Variants in UHRF1 observed in about 807,000 individuals in gnomAD.
The protein encoded by UHRF1 is ubiquitin like with PHD and ring finger domains 1.
In UHRF1, 9 loss-of-function variants were observed where a neutral mutation model predicts 96.5. The ratio of observed to expected loss-of-function variants is 0.09; its 90% CI spans 0.06 to 0.16. The LOEUF is 0.16. UHRF1 is among the 10% of genes least tolerant of loss of function. The probability of loss-of-function intolerance (pLI) is 1.00; values close to 1 mark genes in which losing one functional copy is unlikely to be tolerated. For missense variants in UHRF1, 626 were observed against 1,131.1 expected (o/e 0.55, Z 6.40); for synonymous variants, 455 against 469.9 (o/e 0.97, Z 0.41).
chr19:4,909,619 C>A lies in UHRF1; in HGVS notation c.-47C>A. 1 of 616,728 alleles carries A rather than the reference C, an allele frequency of 1.6e-6. No individual in the cohort carries two copies. Among genetic ancestry groups the A allele is most frequent in the Non-Finnish European group, 2.9e-6 (1 of 348,516 alleles). The allele number at this position is 616,728 out of a possible 1,614,324, so 38.2% of individuals were successfully genotyped here. On this transcript the variant is annotated 5_prime_UTR_variant, in exon 1 of 17. Coordinates refer to ENST00000650932, the MANE Select transcript of UHRF1 (RefSeq NM_001048201.3). ...CATCGCCATCCCCAGCCGGGCCACG[C>A]GCGCAGGCAGACAAGCTGTTCGCGG...
chr19:4,957,586 G>A (rs1368396394), intron 16 of UHRF1, among the ~76,000 whole-genome samples: 2 of 152,146 alleles, frequency 1.3e-5, no homozygotes, highest in African/African-American at 4.8e-5. Context: ...GGGATTACAG[G>A]TGTAAGCCAC....
intron 11 of UHRF1, among the ~76,000 whole-genome samples, chr19:4,947,490 C>CTT (rs985069179): frequency 0.14 from 8,097 of 57,704 alleles, 2,124 homozygotes; most frequent in East Asian, 0.42. Context: ...TAATAGATAT[C>CTT]TTTTTTTTTT....
At chr19:4,924,475 G>C (rs922751898) in intron 2 of UHRF1, among the ~76,000 whole-genome samples, 2 of 152,128 alleles carry the variant, frequency 1.3e-5, no homozygotes, top group African/African-American at 4.8e-5. Flanking sequence ...GTGGAGACGG[G>C]GTTTGGCAAT....
chr19:4,909,166 G>A (rs1159613151), upstream of UHRF1: 2 of 360,234 alleles, frequency 5.6e-6, no homozygotes, highest in Non-Finnish European at 1.0e-5. Context: ...GTCAATGCGT[G>A]CGAGTGGGGG....
upstream of UHRF1, among the ~76,000 whole-genome samples, chr19:4,907,997 C>T (rs1471172402): frequency 2.0e-5 from 3 of 152,286 alleles, no homozygotes; most frequent in South Asian, 2.1e-4. Flanking sequence ...CAGGTGTGAG[C>T]CAACGCGCCC....
intron 9 of UHRF1, 92 bp downstream of exon 9, chr19:4,944,542 A>T: frequency 6.9e-7 from 1 of 1,446,336 alleles, no homozygotes; most frequent in Non-Finnish European, 9.7e-7. Context: ...GCCAGGGGTC[A>T]GGGTGGTTAC....
At chr19:4,934,476 TGAC>T (rs1449663239) in intron 5 of UHRF1, among the ~76,000 whole-genome samples, 1 of 152,208 alleles carries the variant, frequency 6.6e-6, no homozygotes, top group Non-Finnish European at 1.5e-5. Context: ...CCCTAGCCCC[TGAC>T]ACCTCTGCAT....
intron 4 of UHRF1, among the ~76,000 whole-genome samples, 159 bp downstream of exon 4, chr19:4,931,035 G>C (rs1454768591): frequency 2.0e-5 from 3 of 152,166 alleles, no homozygotes; most frequent in African/African-American, 4.8e-5. Flanking sequence ...CTGCCCACTT[G>C]GGGACTAGCC....
At chr19:4,944,556 T>C (rs1202213555) in intron 9 of UHRF1, 106 bp downstream of exon 9, 2 of 1,247,300 alleles carry the variant, frequency 1.6e-6, no homozygotes, top group Non-Finnish European at 2.3e-6. Flanking sequence ...TGGTTACCAG[T>C]GGTGCCTCGG....
At chr19:4,925,150 T>C in intron 2 of UHRF1, among the ~76,000 whole-genome samples, 1 of 152,070 alleles carries the variant, frequency 6.6e-6, no homozygotes, top group South Asian at 2.1e-4. Flanking sequence ...AAATAACGGC[T>C]TTATTATATC....
intron 11 of UHRF1, among the ~76,000 whole-genome samples, chr19:4,950,180 CAAAT>C (rs1461674152): frequency 6.6e-6 from 1 of 151,710 alleles, no homozygotes; most frequent in Admixed American, 6.6e-5. Flanking sequence ...AACCCTGTCT[CAAAT>C]AAATAGTAGG....
At chr19:4,918,039 C>T (rs907372589) in intron 2 of UHRF1, among the ~76,000 whole-genome samples, 2 of 152,140 alleles carry the variant, frequency 1.3e-5, no homozygotes, top group Admixed American at 6.6e-5. Context: ...CTGCCTTGAC[C>T]TTCAGTTTCC....
intron 5 of UHRF1, among the ~76,000 whole-genome samples, chr19:4,933,535 T>G (rs1034814196): frequency 6.6e-6 from 1 of 152,148 alleles, no homozygotes; most frequent in Non-Finnish European, 1.5e-5. Context: ...TTTTTCTCTC[T>G]TGTTTGTTTC....
At chr19:4,952,850 CCA>C (rs961796886) in intron 13 of UHRF1, among the ~76,000 whole-genome samples, 1 of 152,076 alleles carries the variant, frequency 6.6e-6, no homozygotes, top group African/African-American at 2.4e-5. Flanking sequence ...CTCAGAATCA[CCA>C]GAGTTTGGCC....
In UHRF1 at chr19:4,910,848, T is replaced by TG. The variant is rs757399704; in HGVS notation, c.-10-23dup. On this transcript the variant is annotated intron_variant, in intron 1 of 16. Coordinates refer to ENST00000650932, the MANE Select transcript of UHRF1 (RefSeq NM_001048201.3). Reference sequence around the variant, plus strand: ...GGCTCAGAGGTGCTGGTAAAACTGATGGGGGTTTTTGCTGTCCCTCCCCTC... The same window carrying TG: ...GGCTCAGAGGTGCTGGTAAAACTGATGGGGGGTTTTTGCTGTCCCTCCCCTC... 1.9e-6 allele frequency: 3 copies of TG among 1,578,114 alleles called. No homozygotes were observed. In the African/African-American group the frequency reaches 4.1e-5, roughly 21 times the overall value.
intron 4 of UHRF1, among the ~76,000 whole-genome samples, chr19:4,931,346 T>C (rs1452406254): frequency 1.3e-5 from 2 of 152,232 alleles, no homozygotes; most frequent in Non-Finnish European, 2.9e-5. Context: ...TTGGTTGACT[T>C]GCTCACTGCA....
chr19:4,947,325 T>C, intron 11 of UHRF1, 114 bp downstream of exon 11: 1 of 953,458 alleles, frequency 1.0e-6, no homozygotes, highest in Non-Finnish European at 1.6e-6. Flanking sequence ...TGGTAGAACA[T>C]AGCGAAGCCT....
intron 2 of UHRF1, among the ~76,000 whole-genome samples, chr19:4,926,104 C>A (rs2032862173): frequency 6.6e-6 from 1 of 151,682 alleles, no homozygotes; most frequent in South Asian, 2.1e-4. Flanking sequence ...CCATGTTGGC[C>A]AGGCTGGTCT....
chr19:4,939,769 A>G (rs1444536167), intron 5 of UHRF1, among the ~76,000 whole-genome samples: 10 of 152,156 alleles, frequency 6.6e-5, no homozygotes, highest in Non-Finnish European at 1.3e-4. Flanking sequence ...TCATGCCTGT[A>G]ATCCCAGTAC....
Sources: allele counts gnomAD v4.1 joint callset (sites outside exome capture counted in the v4.1 genomes callset), GRCh38; gene constraint gnomAD v4.1.1; transcripts MANE v1.5; gene names NCBI Gene and HGNC (gene_info 2026-07-23, HGNC 2026-07-21).